LONRF3: variants seen among roughly 807,000 people sequenced by gnomAD.
LONRF3 encodes the protein LON peptidase N-terminal domain and ring finger 3.
Under a neutral mutation model 51.7 loss-of-function variants are expected in LONRF3, and 19 were observed. The ratio of observed to expected loss-of-function variants is 0.37; its 90% confidence interval spans 0.26 to 0.54. The LOEUF (loss-of-function observed/expected upper bound fraction) is 0.54. LONRF3 is among the 20% of genes least tolerant of loss of function. The pLI is 0.86. For synonymous variants in LONRF3, 265 were observed against 257.8 expected (o/e 1.03, Z -0.27); for missense variants, 521 against 623.9 (o/e 0.84, Z 1.76).
intron 10 of LONRF3, among the ~76,000 whole-genome samples, chrX:119,014,688 G>A (rs1925322234): frequency 9.0e-6 from 1 of 111,433 alleles, no homozygotes; most frequent in African/African-American, 3.3e-5. Context: ...GTGTTAGGGT[G>A]ACAAGTTACA....
At chrX:118,985,631 G>T (rs1458755095) in intron 3 of LONRF3, among the ~76,000 whole-genome samples, 1 of 112,081 alleles carries the variant, frequency 8.9e-6, no homozygotes, top group Non-Finnish European at 1.9e-5. Context: ...CGTCTGGCAG[G>T]AGAGAAAGGC....
intron 5 of LONRF3, among the ~76,000 whole-genome samples, chrX:118,999,990 T>C (rs1026602811): frequency 2.7e-5 from 3 of 112,154 alleles, no homozygotes; most frequent in Non-Finnish European, 1.9e-5. Context: ...TCCAACAGGG[T>C]TTGTCTATAA....
chrX:118,987,087 C>T, intron 3 of LONRF3: 3 of 1,148,031 alleles, frequency 2.6e-6, no homozygotes, highest in Non-Finnish European at 2.3e-6. Flanking sequence ...ACAGGTAAAA[C>T]TCAACTCACC....
intron 5 of LONRF3, among the ~76,000 whole-genome samples, chrX:119,000,685 CTT>C (rs772351526): frequency 9.0e-6 from 1 of 111,373 alleles, no homozygotes; most frequent in African/African-American, 3.3e-5. Context: ...CCAGTGACCT[CTT>C]TGTCAATTCT....
intron 3 of LONRF3, 114 bp downstream of exon 3, chrX:118,983,057 G>T: frequency 2.5e-6 from 2 of 792,002 alleles, no homozygotes; most frequent in Non-Finnish European, 3.6e-6. Context: ...CTGAGTGGGT[G>T]GTTCCCTGGG....
intron 2 of LONRF3, 85 bp from the exon 3 acceptor site, chrX:118,982,736 G>A (rs1434874923): frequency 9.0e-7 from 1 of 1,110,157 alleles, no homozygotes; most frequent in East Asian, 3.1e-5. Context: ...TCACACAACA[G>A]TGAGTGCTGT....
chrX:118,989,791 G>A, intron 4 of LONRF3, 119 bp downstream of exon 4: 1 of 754,357 alleles, frequency 1.3e-6, no homozygotes, highest in Non-Finnish European at 1.9e-6. Flanking sequence ...GCCCAGCTCT[G>A]GCATTTACTA....
At position 119,009,127 on chromosome X, in the gene LONRF3, G is replaced by T. The variant is rs1924927657; in HGVS notation, c.1532G>T (p.Cys511Phe). Residue 511 changes from cysteine to phenylalanine, a missense_variant and splice_region_variant, in exon 7 of 11, where the codon TGC becomes TTC. Physicochemically the swap from Cys to Phe is radical, Grantham distance 205 (BLOSUM62 -2). Coordinates refer to ENST00000371628, the MANE Select transcript of LONRF3 (RefSeq NM_001031855.3). Reference protein sequence around the residue: ...CPLCKDGLSQCLASRKYSKNV... With the variant: ...CPLCKDGLSQFLASRKYSKNV... Reference sequence around the variant, plus strand: ...GTCTAATTGCCTCCCCCCATGTAGTGCTTGGCATCAAGAAAATACAGCAAA... The same window carrying T: ...GTCTAATTGCCTCCCCCCATGTAGTTCTTGGCATCAAGAAAATACAGCAAA... 1.7e-6 allele frequency: 2 copies of T among 1,206,467 alleles called. No individual in the cohort carries two copies. The highest frequency in any genetic ancestry group is 1.1e-6 in the Non-Finnish European group (1 of 892,957).
intron 5 of LONRF3, among the ~76,000 whole-genome samples, chrX:118,995,992 T>C (rs894545409): frequency 8.9e-6 from 1 of 112,086 alleles, no homozygotes; most frequent in African/African-American, 3.2e-5. Flanking sequence ...ATTCATTCTA[T>C]GAAGCCAGCA....
chrX:118,995,397 T>C (rs60983434), intron 5 of LONRF3, among the ~76,000 whole-genome samples: 343 of 110,480 alleles, frequency 3.1e-3, no homozygotes, highest in African/African-American at 0.011. Flanking sequence ...TCTGAAAGAG[T>C]ACAAACAGAC....
chrX:119,005,204 T>A (rs894735701), intron 5 of LONRF3, among the ~76,000 whole-genome samples: 1 of 111,452 alleles, frequency 9.0e-6, no homozygotes, highest in Non-Finnish European at 1.9e-5. Context: ...GTCTTTCCCT[T>A]CTTCCTGTGC....
intron 10 of LONRF3, among the ~76,000 whole-genome samples, chrX:119,016,353 T>TCTTTC (rs1555987374): frequency 2.0e-5 from 2 of 97,812 alleles, no homozygotes; most frequent in Non-Finnish European, 4.2e-5. Flanking sequence ...TTTCTTTCTT[T>TCTTTC]TTTTTTTTTT....
intron 3 of LONRF3, among the ~76,000 whole-genome samples, chrX:118,984,259 C>T (rs1433704718): frequency 8.9e-6 from 1 of 112,077 alleles, no homozygotes; most frequent in Admixed American, 9.5e-5. Flanking sequence ...TATCTGCTTC[C>T]AAAGCCTGGC....
At position 118,975,479 on chromosome X, in the gene LONRF3, C is replaced by T; in HGVS notation, c.699C>T (p.Leu233=). 1 of 1,200,448 alleles carries T rather than the reference C, an allele frequency of 8.3e-7. No individual in the cohort carries two copies. The highest frequency in any genetic ancestry group is 1.1e-6 in the Non-Finnish European group (1 of 890,628). The change falls in exon 1 of 11, where the codon CTC becomes CTT. Residue 233 remains leucine, a synonymous_variant. Coordinates refer to ENST00000371628, the MANE Select transcript of LONRF3 (RefSeq NM_001031855.3). ...LRVNVVLSGL[L]GKLFPGPARA... ...TCAACGTGGTGCTCAGCGGCCTCCT[C>T]GGCAAGTTGTTTCCAGGCCCAGCGC...
rs1922258352 is a variant in LONRF3 at position 118,978,445 on chromosome X, C to T, written c.918C>T (p.Leu306=). 5.0e-6 allele frequency: 6 copies of T among 1,193,802 alleles called. No individual in the cohort carries two copies. The African/African-American group carries it at 5.2e-5, about 10-fold the overall frequency. Reference sequence around the variant, plus strand: ...ATGATGCAGAAATAGCATGTAAGCTCCGCCCGATGGGTTTTAAGGTGAGTG... The same window carrying T: ...ATGATGCAGAAATAGCATGTAAGCTTCGCCCGATGGGTTTTAAGGTGAGTG... ...ALHDAEIACK[L]RPMGFKAHFR... The change falls in exon 2 of 11, where the codon CTC becomes CTT. Residue 306 remains leucine, a synonymous_variant. Transcript: ENST00000371628.
chrX:118,975,130 A>AAGGCG lies in LONRF3; in HGVS notation c.356_360dup (p.Leu121ArgfsTer84). The AAGGCG allele has an allele frequency of 8.6e-7, 1 of 1,169,383 alleles. No homozygotes were observed. The highest frequency in any genetic ancestry group is 1.1e-6 in the Non-Finnish European group (1 of 874,683). ...CGCTGCCTGGCGGAGAAAGTCCCGCAAGGCGAGGCGCTGGCGCCGGCGCCC... is the reference window on the plus strand; with the variant it reads ...CGCTGCCTGGCGGAGAAAGTCCCGCAAGGCGAGGCGAGGCGCTGGCGCCGGCGCCC... On this transcript the variant is annotated frameshift_variant, in exon 1 of 11. Transcript: ENST00000371628. LOFTEE classifies it high-confidence loss of function.
intron 10 of LONRF3, among the ~76,000 whole-genome samples, chrX:119,015,615 TC>T (rs777620810): frequency 1.8e-3 from 207 of 111,943 alleles, no homozygotes; most frequent in African/African-American, 6.0e-3. Context: ...AGCTTAATGT[TC>T]CCCTTCACCT....
In LONRF3 at chrX:118,975,562, C is replaced by A. The variant is rs1201053268; in HGVS notation, c.782C>A (p.Ala261Glu). The change falls in exon 1 of 11, where the codon GCG becomes GAG. Residue 261 changes from alanine (A) to glutamate (E), a missense_variant. Around this residue, in one of 2 missense-constraint regions of LONRF3, gnomAD observed 376 missense variants for 376.7 expected, o/e 1.00. Transcript: ENST00000371628. ...CTGTACCGCGAGCGCCAGGTGGAGGCGGCACTGCTCAAGTACAACGAGGCA... is the reference window on the plus strand; with the variant it reads ...CTGTACCGCGAGCGCCAGGTGGAGGAGGCACTGCTCAAGTACAACGAGGCA... ...NRLYRERQVE[A>E]ALLKYNEAVK... 36 of 1,189,812 alleles carry A rather than the reference C, an allele frequency of 3.0e-5. No individual in the cohort carries two copies. Among genetic ancestry groups the A allele is most frequent in the Non-Finnish European group, 3.8e-5 (34 of 887,232 alleles).
chrX:118,998,668 G>C (rs186496122), intron 5 of LONRF3, among the ~76,000 whole-genome samples: 10 of 111,879 alleles, frequency 8.9e-5, no homozygotes, highest in African/African-American at 3.2e-4. Context: ...TATAACAAAA[G>C]TCTTTTTATT....
Sources: gnomAD v4.1 joint callset for allele counts (sites outside exome capture counted in the v4.1 genomes callset) on GRCh38, gnomAD v4.1.1 for gene constraint, gnomAD v4.1.1 regional missense constraint, MANE v1.5 for transcripts, NCBI Gene and HGNC (gene_info 2026-07-23, HGNC 2026-07-21) for gene names.